LGSN: variants seen among roughly 807,000 people sequenced by gnomAD.
LGSN encodes the protein lengsin.
LGSN carries 21 observed loss-of-function variants against 19.5 expected under a neutral mutation model. The observed-to-expected ratio is 1.07, with a 90% confidence interval of 0.76 to 1.55. The LOEUF (loss-of-function observed/expected upper bound fraction) is 1.55. Among genes scored for constraint, LGSN ranks in the 40% most tolerant of loss-of-function variants. The pLI is 0.00. For missense variants in LGSN, 673 were observed against 608.5 expected (o/e 1.11, Z -1.12); for synonymous variants, 257 against 215.6 (o/e 1.19, Z -1.68).
At chr6:63,440,826 G>T in the LGSN span, 2 of 173,446 alleles carry the variant, frequency 1.2e-5, no homozygotes, top group South Asian at 2.9e-4. Flanking sequence ...CAACAAACAG[G>T]ACCTGAGCCT....
chr6:63,433,310 G>A, the LGSN span, among the ~76,000 whole-genome samples: 2 of 152,142 alleles, frequency 1.3e-5, no homozygotes, highest in Non-Finnish European at 2.9e-5. Context: ...AAGGGCTTTA[G>A]ATGAATTAAC....
chr6:63,424,786 C>T, the LGSN span, among the ~76,000 whole-genome samples: 1 of 152,010 alleles, frequency 6.6e-6, no homozygotes, highest in South Asian at 2.1e-4. Context: ...GTGCTGCGTG[C>T]CTGTAGTCCT....
At chr6:63,420,144 A>G in the LGSN span, among the ~76,000 whole-genome samples, 5 of 151,228 alleles carry the variant, frequency 3.3e-5, no homozygotes, top group Non-Finnish European at 7.4e-5. Context: ...CGGAGCTTGC[A>G]GTGAGCCGAG....
the LGSN span, among the ~76,000 whole-genome samples, chr6:63,541,112 T>C: frequency 6.6e-6 from 1 of 151,582 alleles, no homozygotes; most frequent in Non-Finnish European, 1.5e-5. Flanking sequence ...AACTAAGGAG[T>C]ATAATTAACT....
chr6:63,408,803 G>A, the LGSN span, among the ~76,000 whole-genome samples: 2 of 151,896 alleles, frequency 1.3e-5, no homozygotes, highest in Admixed American at 1.3e-4. Flanking sequence ...CTAATATCCA[G>A]AATCTACAAT....
the LGSN span, among the ~76,000 whole-genome samples, chr6:63,478,002 T>C: frequency 6.6e-6 from 1 of 152,260 alleles, no homozygotes; most frequent in East Asian, 1.9e-4. Context: ...ATCCTCCTCC[T>C]ACTTCTCATA....
At chr6:63,422,180 C>A in the LGSN span, among the ~76,000 whole-genome samples, 2 of 152,170 alleles carry the variant, frequency 1.3e-5, no homozygotes, top group Non-Finnish European at 2.9e-5. Flanking sequence ...CCTCCCACCT[C>A]AACCTCCCTA....
chr6:63,288,164 C>T (rs1385737783), intron 2 of LGSN, among the ~76,000 whole-genome samples: 1 of 151,440 alleles, frequency 6.6e-6, no homozygotes, highest in Non-Finnish European at 1.5e-5. Flanking sequence ...GTTGCAGCTC[C>T]ACCAAGGAGC....
the LGSN span, among the ~76,000 whole-genome samples, chr6:63,499,405 A>G: frequency 1.3e-5 from 2 of 152,110 alleles, no homozygotes; most frequent in East Asian, 1.9e-4. Flanking sequence ...ACTCTGTAAA[A>G]TGGGAAGAGT....
At chr6:63,350,458 A>G in the LGSN span, among the ~76,000 whole-genome samples, 2 of 152,228 alleles carry the variant, frequency 1.3e-5, no homozygotes, top group Non-Finnish European at 2.9e-5. Context: ...ATTCAAATTA[A>G]CCTGGTTGTG....
chr6:63,417,942 C>T, the LGSN span, among the ~76,000 whole-genome samples: 1 of 152,238 alleles, frequency 6.6e-6, no homozygotes, highest in African/African-American at 2.4e-5. Context: ...TTTTGTAACA[C>T]AGCAGAATAA....
At chr6:63,486,482 G>A in the LGSN span, among the ~76,000 whole-genome samples, 3 of 152,114 alleles carry the variant, frequency 2.0e-5, no homozygotes, top group African/African-American at 7.2e-5. Flanking sequence ...TATTACACAT[G>A]GCACAGCCAA....
At chr6:63,321,732 G>A (rs918559359), upstream of LGSN, among the ~76,000 whole-genome samples, 6 of 152,244 alleles carry the variant, frequency 3.9e-5, no homozygotes, top group South Asian at 8.3e-4. Context: ...AAAACCAAAT[G>A]TCAGTAAAGG....
chr6:63,285,087 T>G (rs78767438), intron 3 of LGSN, among the ~76,000 whole-genome samples: 4,727 of 152,278 alleles, frequency 0.031, 249 homozygotes, highest in African/African-American at 0.11. Flanking sequence ...ATATCATCAT[T>G]TTTGGGAATT....
the LGSN span, chr6:63,548,720 A>C: frequency 1.6e-6 from 1 of 642,252 alleles, no homozygotes; most frequent in Non-Finnish European, 2.8e-6. Flanking sequence ...AACCCAGCTT[A>C]GTTGCAAGTT....
the LGSN span, among the ~76,000 whole-genome samples, chr6:63,523,348 C>T: frequency 4.6e-5 from 7 of 151,998 alleles, no homozygotes; most frequent in Admixed American, 2.6e-4. Context: ...GCCTGGCCAA[C>T]ATGGCAAAAC....
the LGSN span, among the ~76,000 whole-genome samples, chr6:63,357,345 C>A: frequency 1.3e-5 from 2 of 152,142 alleles, no homozygotes; most frequent in Non-Finnish European, 1.5e-5. Context: ...TGGGTGTATA[C>A]CCAGTAATGG....
intron 1 of LGSN, among the ~76,000 whole-genome samples, chr6:63,301,507 A>G (rs1157179286): frequency 2.6e-5 from 4 of 152,070 alleles, no homozygotes; most frequent in Admixed American, 6.6e-5. Flanking sequence ...AAAATGCAAG[A>G]GGCTATAAAA....
chr6:63,381,741 G>T, the LGSN span, among the ~76,000 whole-genome samples: 2 of 152,158 alleles, frequency 1.3e-5, no homozygotes, highest in African/African-American at 4.8e-5. Flanking sequence ...AATGCAGGTG[G>T]CTGCTTGATA....
Sources: allele counts gnomAD v4.1 joint callset (sites outside exome capture counted in the v4.1 genomes callset), GRCh38; gene constraint gnomAD v4.1.1; transcripts MANE v1.5; gene names NCBI Gene and HGNC (gene_info 2026-07-23, HGNC 2026-07-21).